Variants in GRID2 observed in about 807,000 individuals in gnomAD.
GRID2 encodes glutamate receptor ionotropic, delta-2.
A neutral mutation model predicts 114.8 loss-of-function variants in GRID2; 33 were observed. The ratio of observed to expected loss-of-function variants is 0.29; its 90% CI spans 0.22 to 0.38. GRID2 has a LOEUF of 0.38. GRID2 is among the 10% of genes least tolerant of loss of function. GRID2 has a pLI of 1.00. For missense variants in GRID2, 1,184 were observed against 1,257.7 expected, an observed-to-expected ratio of 0.94 and a Z score of 0.89; for synonymous variants, 505 against 449.9, an observed-to-expected ratio of 1.12 and a Z score of -1.55.
chr4:93,514,138 T>G (rs1729461909), intron 12 of GRID2, among the ~76,000 whole-genome samples: 1 of 152,162 alleles, frequency 6.6e-6, no homozygotes. Flanking sequence ...GTATTTGTTC[T>G]TAAATGTCAG....
chr4:92,567,171 T>A (rs1727377282), intron 1 of GRID2, among the ~76,000 whole-genome samples: 1 of 152,178 alleles, frequency 6.6e-6, no homozygotes, highest in African/African-American at 2.4e-5. Flanking sequence ...CCAAAACTTA[T>A]CGGATCAGAT....
chr4:92,882,034 C>G (rs1746058441), intron 2 of GRID2, among the ~76,000 whole-genome samples: 1 of 152,072 alleles, frequency 6.6e-6, no homozygotes, highest in Non-Finnish European at 1.5e-5. Flanking sequence ...GGATTAGAGC[C>G]AGCTGGGGCA....
intron 2 of GRID2, among the ~76,000 whole-genome samples, chr4:92,811,386 G>T (rs1174905608): frequency 6.6e-6 from 1 of 151,864 alleles, no homozygotes; most frequent in Non-Finnish European, 1.5e-5. Flanking sequence ...AGTATTATCT[G>T]TAAAATTGCT....
chr4:93,678,371 C>G (rs368021607), intron 14 of GRID2, among the ~76,000 whole-genome samples: 8 of 152,096 alleles, frequency 5.3e-5, no homozygotes, highest in South Asian at 2.1e-4. Flanking sequence ...TTATCCAGGA[C>G]AACTTCCCCA....
chr4:93,804,770 C>T (rs1422139812), intron 1 of GRID2, among the ~76,000 whole-genome samples: 1 of 152,182 alleles, frequency 6.6e-6, no homozygotes, highest in Non-Finnish European at 1.5e-5. Flanking sequence ...ATGCCCTCAA[C>T]CTTTCAAAAG....
chr4:93,658,197 T>C (rs974899592), intron 14 of GRID2, among the ~76,000 whole-genome samples: 1 of 152,178 alleles, frequency 6.6e-6, no homozygotes. Flanking sequence ...GACTGACCTG[T>C]TGGACTAATT....
chr4:93,405,743 C>T (rs1003013833), intron 9 of GRID2, among the ~76,000 whole-genome samples: 1 of 152,134 alleles, frequency 6.6e-6, no homozygotes, highest in Non-Finnish European at 1.5e-5. Flanking sequence ...TGAACAAAAA[C>T]ATAATGTTAA....
At chr4:93,432,039 A>G (rs1262017828) in intron 10 of GRID2, among the ~76,000 whole-genome samples, 6 of 152,206 alleles carry the variant, frequency 3.9e-5, no homozygotes, top group Non-Finnish European at 1.5e-5. Context: ...GAGATTACGT[A>G]TGTTGACAGT....
chr4:92,916,166 G>T (rs576388091), intron 2 of GRID2, among the ~76,000 whole-genome samples: 92 of 152,144 alleles, frequency 6.0e-4, no homozygotes, highest in African/African-American at 2.0e-3. Context: ...AAATGGTATT[G>T]CCTAAGCTGT....
chr4:92,994,818 C>G (rs1449224296), intron 2 of GRID2, among the ~76,000 whole-genome samples: 1 of 152,122 alleles, frequency 6.6e-6, no homozygotes, highest in Admixed American at 6.6e-5. Context: ...TCCCTGGATG[C>G]AACCAAATCC....
At chr4:92,613,540 A>G (rs1223965748) in intron 2 of GRID2, among the ~76,000 whole-genome samples, 5 of 151,440 alleles carry the variant, frequency 3.3e-5, no homozygotes, top group Non-Finnish European at 7.4e-5. Flanking sequence ...TATGTTCTGA[A>G]GACTTTTTGC....
intron 8 of GRID2, among the ~76,000 whole-genome samples, chr4:93,269,449 C>A (rs1429795897): frequency 2.0e-5 from 3 of 152,100 alleles, no homozygotes; most frequent in African/African-American, 7.2e-5. Flanking sequence ...ATATTCTTGT[C>A]AGCCAACTTC....
intron 8 of GRID2, among the ~76,000 whole-genome samples, chr4:93,370,400 AACAC>A (rs907100202): frequency 4.6e-4 from 66 of 144,900 alleles, no homozygotes; most frequent in Middle Eastern, 3.5e-3. Context: ...AACACACACA[AACAC>A]ACACACACAA....
chr4:93,079,004 T>C (rs1729615892), intron 2 of GRID2, among the ~76,000 whole-genome samples: 1 of 150,352 alleles, frequency 6.7e-6, no homozygotes, highest in South Asian at 2.1e-4. Context: ...GTTCCAGCCT[T>C]GTCTCTACTA....
At chr4:93,252,650 C>T (rs1173621165) in intron 8 of GRID2, among the ~76,000 whole-genome samples, 1 of 152,078 alleles carries the variant, frequency 6.6e-6, no homozygotes, top group African/African-American at 2.4e-5. Context: ...CTGTAAATTA[C>T]TTTGGGCAGT....
intron 1 of GRID2, among the ~76,000 whole-genome samples, chr4:93,806,368 G>A (rs143993741): frequency 3.3e-5 from 5 of 152,284 alleles, no homozygotes; most frequent in African/African-American, 1.2e-4. Flanking sequence ...CTCCATGTGA[G>A]AGCGATACTG....
intron 14 of GRID2, among the ~76,000 whole-genome samples, chr4:93,767,401 A>G (rs1056675183): frequency 1.3e-5 from 2 of 152,226 alleles, no homozygotes; most frequent in African/African-American, 4.8e-5. Flanking sequence ...CATATAACCC[A>G]TTAATATTCA....
Position 93,717,698 on chromosome 4 carries a change from A to T in GRID2, c.2361-51512A>T, listed in dbSNP as rs1729016724. 2.0e-5 allele frequency among the ~76,000 whole-genome samples: 3 copies of T among 152,126 alleles called. No individual in the cohort carries two copies. The South Asian group carries it at 6.2e-4, about 32-fold the overall frequency. On this transcript the variant is annotated intron_variant, in intron 14 of 15. Coordinates refer to ENST00000282020, the MANE Select transcript of GRID2 (RefSeq NM_001510.4). ...GGCTTACAAGGTTTTTCTTTTCCTTATTCTAATTATAAACTCTAGCCAGTA... is the reference window on the plus strand; with the variant it reads ...GGCTTACAAGGTTTTTCTTTTCCTTTTTCTAATTATAAACTCTAGCCAGTA...
chr4:93,455,293 T>A (rs1043066877), intron 10 of GRID2, among the ~76,000 whole-genome samples: 13 of 152,248 alleles, frequency 8.5e-5, no homozygotes, highest in African/African-American at 2.9e-4. Flanking sequence ...TGGGAACATG[T>A]TCCTAGAAAA....
Sources: allele counts gnomAD v4.1 joint callset (sites outside exome capture counted in the v4.1 genomes callset), GRCh38; gene constraint gnomAD v4.1.1; transcripts MANE v1.5; gene names NCBI Gene and HGNC (gene_info 2026-07-23, HGNC 2026-07-21).